The following DRD2 variants were observed in gnomAD, a reference collection of about 807,000 sequenced individuals.
DRD2 encodes the protein D(2) dopamine receptor.
A neutral mutation model predicts 38.0 loss-of-function variants in DRD2; 8 were observed. The ratio of observed to expected loss-of-function variants is 0.21; its 90% CI spans 0.12 to 0.38. The LOEUF (loss-of-function observed/expected upper bound fraction) is 0.38. DRD2 is among the 10% of genes least tolerant of loss of function. The probability of loss-of-function intolerance (pLI) is 1.00; values close to 1 mark genes in which losing one functional copy is unlikely to be tolerated. For synonymous variants in DRD2, 230 were observed against 238.6 expected (o/e 0.96, Z 0.33); for missense variants, 403 against 607.7 (o/e 0.66, Z 3.54).
intron 2 of DRD2, among the ~76,000 whole-genome samples, chr11:113,422,256 T>A (rs1950892753): frequency 6.6e-6 from 1 of 152,226 alleles, no homozygotes; most frequent in Admixed American, 6.5e-5. Context: ...TCTATTGTCA[T>A]CTTCATCTTT....
chr11:113,422,920 A>T (rs559923580), intron 2 of DRD2, among the ~76,000 whole-genome samples: 5 of 152,216 alleles, frequency 3.3e-5, no homozygotes, highest in Admixed American at 2.6e-4. Flanking sequence ...GGATGGCCTC[A>T]GAGGCACTGG....
Position 113,432,053 on chromosome 11 carries a change from C to T in DRD2, c.-31-7371G>A, listed in dbSNP as rs961392005. On this transcript the variant is annotated intron_variant, in intron 1 of 7. Coordinates refer to ENST00000362072, the MANE Select transcript of DRD2 (RefSeq NM_000795.4). ...AGTCACGCCCCAAAACTGGCAGGCG[C>T]CCCAACCTATAAAGTGTATTGGAAG... Among the ~76,000 whole-genome samples the T allele has an allele frequency of 7.2e-5, 11 of 152,298 alleles. 2 individuals are homozygous for T. Among genetic ancestry groups the T allele is most frequent in the Admixed American group, 6.5e-4 (10 of 15,306 alleles).
intron 1 of DRD2, among the ~76,000 whole-genome samples, chr11:113,425,829 T>C (rs914223539): frequency 7.9e-5 from 12 of 152,240 alleles, no homozygotes; most frequent in African/African-American, 2.4e-4. Flanking sequence ...ACAGACAATA[T>C]GACATGGTAT....
intron 1 of DRD2, among the ~76,000 whole-genome samples, chr11:113,468,298 T>C (rs888704742): frequency 2.6e-5 from 4 of 152,196 alleles, no homozygotes; most frequent in Non-Finnish European, 5.9e-5. Flanking sequence ...AACTACCATA[T>C]GGTGTTGTTT....
chr11:113,424,948 T>C, intron 1 of DRD2: 1 of 473,006 alleles, frequency 2.1e-6, no homozygotes, highest in South Asian at 2.2e-5. Context: ...ATCATTTATT[T>C]ATTCATTCAA....
At chr11:113,449,827 G>A (rs373877389) in intron 1 of DRD2, among the ~76,000 whole-genome samples, 8 of 152,334 alleles carry the variant, frequency 5.3e-5, no homozygotes, top group East Asian at 1.9e-4. Flanking sequence ...CCAGAGAAGC[G>A]AAAATTCACC....
intron 1 of DRD2, among the ~76,000 whole-genome samples, chr11:113,435,476 C>T (rs1265061668): frequency 2.0e-5 from 3 of 152,058 alleles, no homozygotes; most frequent in Non-Finnish European, 2.9e-5. Context: ...AGCTCACGTG[C>T]ACTGCAGAAG....
chr11:113,424,786 T>C (rs1203471785), intron 1 of DRD2, 104 bp from the exon 2 acceptor site: 1 of 1,199,822 alleles, frequency 8.3e-7, no homozygotes, highest in Non-Finnish European at 1.2e-6. Context: ...ATTTTCCAAC[T>C]CGGGATTTTA....
intron 1 of DRD2, among the ~76,000 whole-genome samples, chr11:113,454,580 G>T (rs376775588): frequency 9.2e-5 from 14 of 152,060 alleles, no homozygotes; most frequent in African/African-American, 3.4e-4. Context: ...ACTTCGTCCT[G>T]GCTGAAGGGC....
intron 1 of DRD2, among the ~76,000 whole-genome samples, chr11:113,457,590 C>G (rs558582858): frequency 6.6e-6 from 1 of 152,144 alleles, no homozygotes; most frequent in Admixed American, 6.5e-5. Context: ...CCCGACCCCC[C>G]ACTATTTACA....
intron 2 of DRD2, among the ~76,000 whole-genome samples, chr11:113,422,032 G>T (rs139658930): frequency 6.6e-6 from 1 of 152,250 alleles, no homozygotes; most frequent in African/African-American, 2.4e-5. Flanking sequence ...CCCATGTATG[G>T]ATTTGTCCCT....
intron 2 of DRD2, among the ~76,000 whole-genome samples, chr11:113,419,446 G>GCGCACA (rs1555165137): frequency 7.5e-6 from 1 of 133,304 alleles, no homozygotes. Context: ...ATGCACACAG[G>GCGCACA]CACACACACA....
chr11:113,457,128 A>T (rs1278600872), intron 1 of DRD2, among the ~76,000 whole-genome samples: 1 of 152,178 alleles, frequency 6.6e-6, no homozygotes, highest in Non-Finnish European at 1.5e-5. Context: ...GACAGTACGT[A>T]GGTAGCGGCC....
chr11:113,430,361 T>C (rs539349446), intron 1 of DRD2, among the ~76,000 whole-genome samples: 1 of 152,250 alleles, frequency 6.6e-6, no homozygotes, highest in East Asian at 1.9e-4. Context: ...GCACCACTAT[T>C]TTATATATCA....
chr11:113,457,856 C>A (rs544025612), intron 1 of DRD2, among the ~76,000 whole-genome samples: 1 of 152,362 alleles, frequency 6.6e-6, no homozygotes, highest in East Asian at 1.9e-4. Flanking sequence ...CTTAGCCCTG[C>A]TCATTAGAGC....
At chr11:113,440,020 C>T (rs1951075343) in intron 1 of DRD2, among the ~76,000 whole-genome samples, 1 of 152,058 alleles carries the variant, frequency 6.6e-6, no homozygotes, top group African/African-American at 2.4e-5. Context: ...GGGCTCAATC[C>T]TTGTCACTAC....
chr11:113,450,171 C>T (rs1021246005), intron 1 of DRD2: 2 of 153,100 alleles, frequency 1.3e-5, no homozygotes, highest in South Asian at 4.1e-4. Context: ...GAAATTGGAA[C>T]TTTTATTTGA....
intron 1 of DRD2, among the ~76,000 whole-genome samples, chr11:113,435,376 T>G (rs1951025988): frequency 1.3e-5 from 2 of 150,912 alleles, no homozygotes; most frequent in African/African-American, 4.9e-5. Flanking sequence ...AGCGGGGTGG[T>G]GGCGGTGCTG....
intron 1 of DRD2, among the ~76,000 whole-genome samples, chr11:113,465,574 C>T (rs964357029): frequency 6.6e-6 from 1 of 152,190 alleles, no homozygotes; most frequent in Admixed American, 6.5e-5. Flanking sequence ...CAGGCCCCTG[C>T]CTAAGCCTTT....
Sources: allele counts gnomAD v4.1 joint callset (sites outside exome capture counted in the v4.1 genomes callset), GRCh38; gene constraint gnomAD v4.1.1; transcripts MANE v1.5; gene names NCBI Gene and HGNC (gene_info 2026-07-23, HGNC 2026-07-21).